The following MXD4 variants were observed in gnomAD, a reference collection of about 807,000 sequenced individuals.
The protein encoded by MXD4 is Mad4 homolog.
A neutral mutation model predicts 24.5 loss-of-function variants in MXD4; 16 were observed. The ratio of observed to expected loss-of-function variants is 0.65; its 90% confidence interval spans 0.44 to 0.99. The LOEUF (loss-of-function observed/expected upper bound fraction) is 0.99. Ranked by LOEUF, MXD4 falls within the 50% of genes least tolerant of loss-of-function variation. The probability of loss-of-function intolerance (pLI) is 0.00; values close to 1 mark genes in which losing one functional copy is unlikely to be tolerated. For synonymous variants in MXD4, 164 were observed against 134.2 expected, an observed-to-expected ratio of 1.22 and a Z score of -1.54; for missense variants, 301 against 301.5, an observed-to-expected ratio of 1.00 and a Z score of 0.01.
chr4:2,258,064 C>A (rs1210283488), intron 2 of MXD4, 53 bp from the exon 3 acceptor site: 17 of 1,609,848 alleles, frequency 1.1e-5, no homozygotes, highest in Non-Finnish European at 1.4e-5. Flanking sequence ...CCCACCAGGG[C>A]ACAGAGAGCA....
rs148780712 is a variant in MXD4, at chr4:2,248,890, G to A, written c.*1654C>T. ...ACAGAGGACGTCAGGAAGGAAAGGC[G>A]GGTGCAAGCCTCCTGGTGCCAGGCC... On this transcript the variant is annotated 3_prime_UTR_variant, in exon 6 of 6. Coordinates refer to ENST00000337190, the MANE Select transcript of MXD4 (RefSeq NM_006454.3). 41 of 152,496 alleles carry A rather than the reference G, an allele frequency of 2.7e-4. No individual in the cohort carries two copies. The highest frequency in any genetic ancestry group is 9.4e-4 in the African/African-American group (39 of 41,604). The allele number at this position is 152,496 out of a possible 1,614,324, so 9.4% of individuals were successfully genotyped here. A position where few individuals can be genotyped will look rare whatever the true frequency, so the allele number is the denominator to read the frequency against.
chr4:2,260,476 G>A (rs1280984047), intron 2 of MXD4: 3 of 445,654 alleles, frequency 6.7e-6, no homozygotes, highest in African/African-American at 6.0e-5. Flanking sequence ...TCTCCATGCT[G>A]GGGGAGCCCC....
chr4:2,262,016 C>A lies in MXD4; in HGVS notation c.-36G>T. The stretch of plus-strand genomic sequence containing the variant: ...GCGCCCGTCCGCCCCGGGACGGCGG[C>A]GGCCGCTGCCCGGCCCGCTCCGGCC... On this transcript the variant is annotated 5_prime_UTR_variant, in exon 1 of 6. Coordinates refer to ENST00000337190, the MANE Select transcript of MXD4 (RefSeq NM_006454.3). 1 of 1,158,778 alleles carries A rather than the reference C, an allele frequency of 8.6e-7. No individual in the cohort carries two copies. The highest frequency in any genetic ancestry group is 4.5e-5 in the East Asian group (1 of 22,006). 71.8% of individuals were successfully genotyped at this position (1,158,778 alleles called of 1,614,324 possible).
chr4:2,261,994 C>T lies in MXD4; in HGVS notation c.-14G>A. On this transcript the variant is annotated 5_prime_UTR_variant, in exon 1 of 6. Coordinates refer to ENST00000337190, the MANE Select transcript of MXD4 (RefSeq NM_006454.3). ...GTTCAGCTCCATCCTCCCGCCCGCG[C>T]CCGTCCGCCCCGGGACGGCGGCGGC... 3 of 1,288,954 alleles carry T rather than the reference C, an allele frequency of 2.3e-6. No individual in the cohort carries two copies. Among genetic ancestry groups the T allele is most frequent in the South Asian group, 4.0e-5 (2 of 49,572 alleles). The allele number at this position is 1,288,954 out of a possible 1,614,324, so 79.8% of individuals were successfully genotyped here. A position where few individuals can be genotyped will look rare whatever the true frequency, so the allele number is the denominator to read the frequency against.
In MXD4 at chr4:2,251,135, C is replaced by A. The variant is rs756491716; in HGVS notation, c.421G>T (p.Val141Leu). The A allele has an allele frequency of 1.3e-6, 2 of 1,599,768 alleles. No homozygotes were observed. Among genetic ancestry groups the A allele is most frequent in the African/African-American group, 1.3e-5 (1 of 74,608 alleles). Residue 141 changes from valine to leucine, a missense_variant, in exon 5 of 6, where the codon GTG becomes TTG. Val to Leu is a conservative substitution (Grantham distance 32). Transcript: ENST00000337190. ...EQLSVQSVER[V>L]RTDSTGSAVS... is the part of the protein sequence containing the mutation. ...GCAGAGCCCGTGCTATCTGTGCGCA[C>A]GCGCTCCACGCTCTGCACCGACAGC...
In MXD4 at chr4:2,251,804, G is replaced by T. The variant is rs189172496; in HGVS notation, c.310-558C>A. 3.9e-5 allele frequency among the ~76,000 whole-genome samples: 6 copies of T among 152,310 alleles called. No individual in the cohort carries two copies. In the East Asian group the frequency reaches 1.2e-3, roughly 30 times the overall value. On this transcript the variant is annotated intron_variant, in intron 4 of 5. Transcript: ENST00000337190. ...AAGCTCCTGACACCCCAGCCTGAAGGTGACCATGCCTATGCAGGCAGAAGA... is the reference window on the plus strand; with the variant it reads ...AAGCTCCTGACACCCCAGCCTGAAGTTGACCATGCCTATGCAGGCAGAAGA...
chr4:2,256,168 C>T (rs1735424358), intron 3 of MXD4, among the ~76,000 whole-genome samples: 1 of 152,216 alleles, frequency 6.6e-6, no homozygotes, highest in African/African-American at 2.4e-5. Context: ...AGGCTGGGAC[C>T]TTCCCCCAAA....
intron 3 of MXD4, chr4:2,255,392 C>T (rs1479050594): frequency 1.5e-5 from 7 of 456,172 alleles, no homozygotes; most frequent in Non-Finnish European, 3.1e-5. Flanking sequence ...ACCACACACA[C>T]GCACTGTCCA....
At chr4:2,258,070 G>C (rs1423937039) in intron 2 of MXD4, 59 bp from the exon 3 acceptor site, 7 of 1,605,774 alleles carry the variant, frequency 4.4e-6, no homozygotes, top group Non-Finnish European at 6.0e-6. Flanking sequence ...AGGGCACAGA[G>C]AGCAGTGCTC....
chr4:2,257,750 T>C (rs774242098), intron 3 of MXD4, among the ~76,000 whole-genome samples: 5 of 152,224 alleles, frequency 3.3e-5, no homozygotes, highest in Non-Finnish European at 7.3e-5. Context: ...CCCACCTGGA[T>C]GAGCTCTGGA....
chr4:2,252,319 G>A (rs1735339234), intron 4 of MXD4, 89 bp downstream of exon 4: 1 of 1,085,682 alleles, frequency 9.2e-7, no homozygotes. Context: ...TCCAAGGGCT[G>A]CCCAGGGTCA....
intron 2 of MXD4, among the ~76,000 whole-genome samples, chr4:2,261,222 G>A (rs1310341740): frequency 6.6e-6 from 1 of 152,256 alleles, no homozygotes. Context: ...TCTCTGTCTA[G>A]GCTCCTGGGG....
At chr4:2,255,350 A>G (rs1034516636) in intron 3 of MXD4, 8 of 456,216 alleles carry the variant, frequency 1.8e-5, no homozygotes, top group Admixed American at 1.6e-4. Context: ...ATCACGGAAC[A>G]CCTTTCTCGA....
intron 3 of MXD4, chr4:2,255,010 G>A (rs927539151): frequency 1.9e-5 from 6 of 315,624 alleles, no homozygotes; most frequent in Non-Finnish European, 3.1e-5. Context: ...CGCTCACCAA[G>A]GCACATCGCA....
Position 2,252,345 on chromosome 4 carries a change from C to A in MXD4, c.309+63G>T, listed in dbSNP as rs1330202422. On this transcript the variant is annotated intron_variant, in intron 4 of 5. Coordinates refer to ENST00000337190, the MANE Select transcript of MXD4 (RefSeq NM_006454.3). Reference sequence around the variant, plus strand: ...CCCAGGGTCACCTGTGAGCACCCCCCCAGGGCGTGCAGGGACACTGAGGCA... The same window carrying A: ...CCCAGGGTCACCTGTGAGCACCCCCACAGGGCGTGCAGGGACACTGAGGCA... The A allele has an allele frequency of 1.2e-5, 16 of 1,349,660 alleles. No individual in the cohort carries two copies. The East Asian group carries it at 2.3e-4, about 19-fold the overall frequency. 83.6% of individuals were successfully genotyped at this position (1,349,660 alleles called of 1,614,324 possible). A position where few individuals can be genotyped will look rare whatever the true frequency, so the allele number is the denominator to read the frequency against.
intron 3 of MXD4, among the ~76,000 whole-genome samples, chr4:2,256,513 A>G (rs1018488987): frequency 1.3e-5 from 2 of 152,200 alleles, no homozygotes; most frequent in African/African-American, 4.8e-5. Context: ...AGCAGCTGGC[A>G]TCAGGTAGGC....
chr4:2,260,111 C>G (rs1735509015), intron 2 of MXD4, among the ~76,000 whole-genome samples: 1 of 152,250 alleles, frequency 6.6e-6, no homozygotes, highest in South Asian at 2.1e-4. Context: ...GGCCAAGCCG[C>G]CAGCCCTGGG....
intron 3 of MXD4, chr4:2,254,438 A>T (rs1309854580): frequency 6.6e-6 from 1 of 152,188 alleles, no homozygotes; most frequent in Admixed American, 6.5e-5. Flanking sequence ...AGCACCCGGC[A>T]ATTTTATTTC....
chr4:2,255,136 G>A (rs376951990), intron 3 of MXD4: 4 of 374,366 alleles, frequency 1.1e-5, no homozygotes, highest in African/African-American at 2.1e-5. Context: ...GTGCCCTGAC[G>A]CAGGCGGACA....
Sources: allele counts gnomAD v4.1 joint callset (sites outside exome capture counted in the v4.1 genomes callset), GRCh38; gene constraint gnomAD v4.1.1; transcripts MANE v1.5; gene names NCBI Gene and HGNC (gene_info 2026-07-23, HGNC 2026-07-21).